Variants in AATF observed in about 807,000 individuals in gnomAD.
The protein encoded by AATF is protein AATF.
In AATF, 48 loss-of-function variants were observed where a neutral mutation model predicts 63.7. The ratio of observed to expected loss-of-function variants is 0.75; its 90% CI spans 0.60 to 0.96. The LOEUF (loss-of-function observed/expected upper bound fraction) is 0.96, where lower values mean the gene tolerates loss of function less well. AATF is among the 40% of genes least tolerant of loss of function. AATF has a pLI of 0.00. For synonymous variants in AATF, 258 were observed against 247.7 expected, an observed-to-expected ratio of 1.04 and a Z score of -0.39; for missense variants, 639 against 685.7, an observed-to-expected ratio of 0.93 and a Z score of 0.76.
At chr17:37,039,820 C>G (rs1297815640) in intron 11 of AATF, among the ~76,000 whole-genome samples, 1 of 152,186 alleles carries the variant, frequency 6.6e-6, no homozygotes, top group African/African-American at 2.4e-5. Flanking sequence ...TGCTGCTGTT[C>G]AGTCTCTTAT....
chr17:36,998,885 A>G (rs1302551002), intron 8 of AATF: 1 of 152,238 alleles, frequency 6.6e-6, no homozygotes, highest in Non-Finnish European at 1.5e-5. Flanking sequence ...TGGAGAAAAT[A>G]AATGTTGAAA....
intron 8 of AATF, among the ~76,000 whole-genome samples, chr17:37,002,903 GTT>G (rs35926577): frequency 0.086 from 8,546 of 99,362 alleles, 455 homozygotes; most frequent in African/African-American, 0.29. Flanking sequence ...TCCTGTTGCT[GTT>G]TTTTTTTTTT....
At chr17:36,967,366 C>T (rs1333960096) in intron 4 of AATF, among the ~76,000 whole-genome samples, 3 of 152,102 alleles carry the variant, frequency 2.0e-5, no homozygotes, top group African/African-American at 4.8e-5. Context: ...GTTTTGTTTT[C>T]TAGAGTTGAT....
chr17:36,993,705 C>G (rs910538172), intron 8 of AATF, among the ~76,000 whole-genome samples: 3 of 151,870 alleles, frequency 2.0e-5, no homozygotes, highest in African/African-American at 7.3e-5. Context: ...TAATACATTC[C>G]CCCTTTTTTA....
intron 8 of AATF, among the ~76,000 whole-genome samples, chr17:37,004,265 A>C (rs2071324745): frequency 6.6e-6 from 1 of 152,140 alleles, no homozygotes; most frequent in African/African-American, 2.4e-5. Flanking sequence ...CAGGAGGCGG[A>C]GGTTGCAGTG....
intron 8 of AATF, 62 bp downstream of exon 8, chr17:36,990,919 A>G (rs2142251528): frequency 8.0e-7 from 1 of 1,252,478 alleles, no homozygotes; most frequent in Non-Finnish European, 1.1e-6. Context: ...AGCTTATAGA[A>G]TTCTCTGAAC....
At chr17:37,048,905 AAGG>A (rs2071720707) in intron 11 of AATF, among the ~76,000 whole-genome samples, 1 of 152,198 alleles carries the variant, frequency 6.6e-6, no homozygotes, top group Admixed American at 6.5e-5. Context: ...GGAATGATGA[AAGG>A]AGGGTGCCAT....
chr17:37,053,353 A>G (rs527475734), intron 11 of AATF, among the ~76,000 whole-genome samples: 1 of 152,076 alleles, frequency 6.6e-6, no homozygotes, highest in South Asian at 2.1e-4. Context: ...TTTTTAAACT[A>G]CTTAGAGCCT....
chr17:37,033,486 T>C (rs1393120209), intron 11 of AATF, among the ~76,000 whole-genome samples: 1 of 152,348 alleles, frequency 6.6e-6, no homozygotes, highest in Admixed American at 6.5e-5. Context: ...CCATTCTTAG[T>C]TGGAATTTTA....
chr17:36,981,684 CT>C (rs2071125704), intron 4 of AATF, among the ~76,000 whole-genome samples: 1 of 141,464 alleles, frequency 7.1e-6, no homozygotes, highest in African/African-American at 2.7e-5. Flanking sequence ...CTTCTTTCTT[CT>C]TCTTCTTCTT....
intron 8 of AATF, among the ~76,000 whole-genome samples, chr17:37,002,686 A>G (rs755738581): frequency 1.3e-5 from 2 of 151,930 alleles, no homozygotes; most frequent in African/African-American, 2.4e-5. Flanking sequence ...AAAAAAAAGC[A>G]TCTAAAATAA....
At chr17:37,029,956 C>T (rs978976349) in intron 10 of AATF, among the ~76,000 whole-genome samples, 4 of 152,178 alleles carry the variant, frequency 2.6e-5, no homozygotes, top group Admixed American at 2.6e-4. Flanking sequence ...TCTGCCTGGC[C>T]TCTCAAAGTG....
chr17:37,015,858 C>T (rs2071424996), intron 8 of AATF, among the ~76,000 whole-genome samples: 1 of 152,156 alleles, frequency 6.6e-6, no homozygotes, highest in African/African-American at 2.4e-5. Flanking sequence ...CTCATTCCAG[C>T]CTTCTTTGCC....
chr17:37,007,288 A>G (rs1047672281), intron 8 of AATF, among the ~76,000 whole-genome samples: 1 of 151,986 alleles, frequency 6.6e-6, no homozygotes, highest in Non-Finnish European at 1.5e-5. Flanking sequence ...GCTGTGTTCA[A>G]GCTATCTTTC....
chr17:37,031,171 G>A (rs903915187), intron 10 of AATF, among the ~76,000 whole-genome samples: 2 of 150,760 alleles, frequency 1.3e-5, no homozygotes, highest in Non-Finnish European at 2.9e-5. Flanking sequence ...AAATATTCAG[G>A]CATGGGGAAA....
intron 11 of AATF, among the ~76,000 whole-genome samples, chr17:37,035,436 A>G (rs2142305996): frequency 6.6e-6 from 1 of 152,090 alleles, no homozygotes; most frequent in East Asian, 2.0e-4. Context: ...AGGATTAGTA[A>G]TACCCAGTGT....
intron 8 of AATF, among the ~76,000 whole-genome samples, chr17:36,992,372 A>T (rs1014881683): frequency 2.0e-5 from 3 of 152,106 alleles, no homozygotes; most frequent in Admixed American, 6.5e-5. Flanking sequence ...CTCTTATTAT[A>T]TTCATTTGTC....
At chr17:36,976,460 A>G (rs552730332) in intron 4 of AATF, among the ~76,000 whole-genome samples, 1 of 152,338 alleles carries the variant, frequency 6.6e-6, no homozygotes, top group African/African-American at 2.4e-5. Context: ...CTCTTGGGCC[A>G]CAGTATTTGT....
chr17:37,042,765 G>A (rs1369558659), intron 11 of AATF, among the ~76,000 whole-genome samples: 14 of 141,202 alleles, frequency 9.9e-5, no homozygotes, highest in African/African-American at 2.4e-4. Flanking sequence ...TTTTTGAGAC[G>A]GAGTCTTGCT....
Sources: allele counts gnomAD v4.1 joint callset (sites outside exome capture counted in the v4.1 genomes callset), GRCh38; gene constraint gnomAD v4.1.1; transcripts MANE v1.5; gene names NCBI Gene and HGNC (gene_info 2026-07-23, HGNC 2026-07-21).